The following MYH11 variants were observed in gnomAD, a reference collection of about 807,000 sequenced individuals.
MYH11 encodes myosin-11.
In MYH11, 80 loss-of-function variants were observed where a neutral mutation model predicts 246.6. The observed-to-expected ratio is 0.32, with a 90% confidence interval of 0.27 to 0.39. MYH11 has a LOEUF of 0.39. MYH11 is among the 10% of genes least tolerant of loss of function. The pLI is 1.00. For synonymous variants in MYH11, 1,071 were observed against 1,015.5 expected (o/e 1.05, Z -1.04); for missense variants, 2,158 against 2,546.8 (o/e 0.85, Z 3.29).
chr16:15,833,424 T>TG (rs2043807045), intron 2 of MYH11, among the ~76,000 whole-genome samples: 1 of 150,576 alleles, frequency 6.6e-6, no homozygotes. Context: ...AGGAACGAAC[T>TG]AACTAACTCG....
intron 13 of MYH11, among the ~76,000 whole-genome samples, chr16:15,756,793 CTTT>C (rs60486632): frequency 5.0e-4 from 42 of 84,564 alleles, no homozygotes; most frequent in African/African-American, 1.3e-3. Flanking sequence ...GTTCATAACT[CTTT>C]TTTTTTTTTT....
chr16:15,787,784 G>T (rs965827151), intron 4 of MYH11, among the ~76,000 whole-genome samples: 4 of 152,114 alleles, frequency 2.6e-5, no homozygotes, highest in East Asian at 1.9e-4. Flanking sequence ...AAGAAAGGAT[G>T]TAAGTGCCTC....
chr16:15,766,390 A>T (rs2178791), intron 9 of MYH11, among the ~76,000 whole-genome samples: 7,409 of 78,974 alleles, frequency 0.094, 380 homozygotes, highest in African/African-American at 0.23. Context: ...TGTGTGTGTG[A>T]GACTGAGTCT....
intron 6 of MYH11, among the ~76,000 whole-genome samples, chr16:15,781,807 G>C (rs1179988223): frequency 2.0e-5 from 3 of 152,104 alleles, no homozygotes; most frequent in Non-Finnish European, 4.4e-5. Context: ...GAGACTCGCT[G>C]AGTGCCTGGT....
At chr16:15,825,970 C>G (rs1301536505) in intron 2 of MYH11, among the ~76,000 whole-genome samples, 18 of 152,116 alleles carry the variant, frequency 1.2e-4, no homozygotes, top group African/African-American at 2.4e-5. Context: ...ATCCATCTCT[C>G]AGTTACAGCT....
chr16:15,714,843 G>T, intron 40 of MYH11, 66 bp downstream of exon 40: 1 of 1,596,184 alleles, frequency 6.3e-7, no homozygotes, highest in South Asian at 1.1e-5. Context: ...GCCGAAAGGA[G>T]CCCGAGCCCC....
Position 15,724,190 on chromosome 16 carries a change from G to C in MYH11, c.4336C>G (p.Leu1446Val), listed in dbSNP as rs1275367249. Reference sequence around the variant, plus strand: ...TCAAATTTCCTCTGCTTCTTTTCCAGGTTGGACACGAGTTGCCGCTGGTTG... The same window carrying C: ...TCAAATTTCCTCTGCTTCTTTTCCACGTTGGACACGAGTTGCCGCTGGTTG... ...LDNQRQLVSN[L>V]EKKQRKFDQL... The change falls in exon 31 of 41, where the codon CTG (leucine) becomes GTG (valine). Residue 1446 changes from leucine to valine, a missense_variant. Transcript: ENST00000300036. The C allele has an allele frequency of 2.5e-6, 4 of 1,613,908 alleles. No homozygotes were observed. Among genetic ancestry groups the C allele is most frequent in the African/African-American group, 2.7e-5 (2 of 74,918 alleles).
intron 2 of MYH11, among the ~76,000 whole-genome samples, chr16:15,825,518 T>A (rs1251152545): frequency 6.6e-6 from 1 of 152,036 alleles, no homozygotes; most frequent in Non-Finnish European, 1.5e-5. Flanking sequence ...GATTGTACCA[T>A]TGCACTCTAG....
chr16:15,710,011 C>T (rs2039688630), intron 40 of MYH11, among the ~76,000 whole-genome samples: 1 of 152,216 alleles, frequency 6.6e-6, no homozygotes, highest in Admixed American at 6.5e-5. Context: ...AGGAGCCAGG[C>T]ATGCTTACCA....
At chr16:15,719,541 G>T in intron 35 of MYH11, 44 bp downstream of exon 35, 1 of 1,612,512 alleles carries the variant, frequency 6.2e-7, no homozygotes, top group Non-Finnish European at 8.5e-7. Context: ...GGGTGCTACC[G>T]TGACACCCGC....
At chr16:15,708,972 AGT>A (rs1422218039) in intron 40 of MYH11, 2 of 985,024 alleles carry the variant, frequency 2.0e-6, no homozygotes, top group African/African-American at 1.6e-5. Flanking sequence ...ATTTTGAGAT[AGT>A]CTCTGTCACC....
At chr16:15,767,907 G>A (rs1474509972) in intron 9 of MYH11, among the ~76,000 whole-genome samples, 1 of 150,794 alleles carries the variant, frequency 6.6e-6, no homozygotes, top group Non-Finnish European at 1.5e-5. Context: ...AACAACCCCT[G>A]CCAACATCTT....
intron 28 of MYH11, chr16:15,725,602 G>T (rs2040714774): frequency 2.5e-6 from 1 of 406,106 alleles, no homozygotes; most frequent in South Asian, 1.1e-4. Flanking sequence ...CATTGACAAG[G>T]AGGATATGAA....
rs112553563 is a variant in MYH11 at position 15,757,874 on chromosome 16, C to T, written c.1528G>A (p.Asp510Asn). Residue 510 changes from aspartate (D) to asparagine (N), a missense_variant, in exon 13 of 41, where the codon GAC becomes AAC. By Grantham distance (23) the Asp-to-Asn change is conservative (BLOSUM62 1). This residue lies in a region of MYH11 where 317 missense variants were observed against 507.7 expected (regional missense o/e 0.62). Coordinates refer to ENST00000300036, the MANE Select transcript of MYH11 (RefSeq NM_002474.3). ...QREGIEWNFI[D>N]FGLDLQPCIE... is the part of the protein sequence containing the mutation. ...CAGGGCTGTAGGTCCAGCCCAAAGT[C>T]GATGAAGTTCCACTCGATGCCCTCG... 8.7e-6 allele frequency: 14 copies of T among 1,614,066 alleles called. No homozygotes were observed. The South Asian group carries it at 8.8e-5, about 10-fold the overall frequency.
intron 19 of MYH11, 52 bp downstream of exon 19, chr16:15,747,518 C>G: frequency 6.2e-7 from 1 of 1,608,650 alleles, no homozygotes; most frequent in Non-Finnish European, 8.5e-7. Context: ...ACAGAAAGGC[C>G]CCTGTTTGTG....
chr16:15,791,713 G>A (rs2042614474), intron 4 of MYH11: 1 of 144,728 alleles, frequency 6.9e-6, no homozygotes, highest in Admixed American at 7.0e-5. Context: ...TCACTCTGTG[G>A]CCCAGGCTGG....
chr16:15,735,470 C>T lies in MYH11; in HGVS notation c.3402G>A (p.Arg1134=), dbSNP rs1245861110. 6.2e-7 allele frequency: 1 copy of T among 1,614,142 alleles called. No individual in the cohort carries two copies. Among genetic ancestry groups the T allele is most frequent in the East Asian group, 2.2e-5 (1 of 44,872 alleles). Residue 1134 remains arginine (R), a synonymous_variant, in exon 26 of 41, where the codon AGG becomes AGA. Coordinates refer to ENST00000300036, the MANE Select transcript of MYH11 (RefSeq NM_002474.3). ...QEDLDSERAA[R]NKAEKQKRDL... is the part of the protein sequence containing the mutation. ...CTCGCTTCTGCTTTTCAGCCTTGTT[C>T]CTGGCGGCCCGCTCTGAGTCCAGGT... is the stretch of plus-strand genomic sequence containing the variant.
chr16:15,715,840 C>A (rs763902054), intron 38 of MYH11, among the ~76,000 whole-genome samples: 2 of 152,058 alleles, frequency 1.3e-5, no homozygotes, highest in Non-Finnish European at 2.9e-5. Context: ...GAAACGGAGT[C>A]TCTGGCCAGG....
At position 15,721,692 on chromosome 16, in the gene MYH11, T is replaced by C. The variant is rs991634412; in HGVS notation, c.4366-58A>G. On this transcript the variant is annotated intron_variant, in intron 31 of 40. Transcript: ENST00000300036. ...CATATCCGGGGTCAGCGTCACTGAA[T>C]TGTAAATACCGGGGGAAGCCCTGTG... 1.6e-5 allele frequency: 25 copies of C among 1,575,294 alleles called. No homozygotes were observed. In the Admixed American group the frequency reaches 1.8e-4, roughly 12 times the overall value.
Sources: allele counts gnomAD v4.1 joint callset (sites outside exome capture counted in the v4.1 genomes callset), GRCh38; gene constraint gnomAD v4.1.1; regional missense constraint gnomAD v4.1.1; transcripts MANE v1.5; gene names NCBI Gene and HGNC (gene_info 2026-07-23, HGNC 2026-07-21).